The following ST18 variants were observed in gnomAD, a reference collection of about 807,000 sequenced individuals.
The protein encoded by ST18 is ST18 C2H2C-type zinc finger transcription factor.
A neutral mutation model predicts 110.0 loss-of-function variants in ST18; 50 were observed. The ratio of observed to expected loss-of-function variants is 0.45; its 90% CI spans 0.36 to 0.58. The LOEUF is 0.58. Ranked by LOEUF, ST18 falls within the 20% of genes least tolerant of loss-of-function variation. The pLI, the probability that ST18 is intolerant of heterozygous loss-of-function variation, is 0.00. For missense variants in ST18, 1,306 were observed against 1,280.1 expected, an observed-to-expected ratio of 1.02 and a Z score of -0.31; for synonymous variants, 461 against 452.4, an observed-to-expected ratio of 1.02 and a Z score of -0.24.
Position 52,120,425 on chromosome 8 carries a change from A to C in ST18, c.2756-1984T>G, listed in dbSNP as rs915861600. Among the ~76,000 whole-genome samples the C allele has an allele frequency of 9.9e-5, 15 of 152,202 alleles. No individual in the cohort carries two copies. In the East Asian group the frequency reaches 2.9e-3, roughly 29 times the overall value. On this transcript the variant is annotated intron_variant, in intron 23 of 25. Transcript: ENST00000689386. ...CCAAGGAGATGCTTGTAAAACATGA[A>C]GTGTTCTGAAGGAAGCACAAAGGGT...
chr8:52,177,692 G>A (rs1003183756), intron 9 of ST18, among the ~76,000 whole-genome samples: 2 of 152,160 alleles, frequency 1.3e-5, no homozygotes, highest in Non-Finnish European at 2.9e-5. Flanking sequence ...CAGTGTGTGA[G>A]GACAACTGAA....
At position 52,142,929 on chromosome 8, in the gene ST18, C is replaced by A; in HGVS notation, c.2168+1G>T. Reference sequence around the variant, plus strand: ...AGGGCATGGCATTGGGCACCACTTACGTGATTAGTTCCTTTTTGAGATCTC... The same window carrying A: ...AGGGCATGGCATTGGGCACCACTTAAGTGATTAGTTCCTTTTTGAGATCTC... On this transcript the variant is annotated splice_donor_variant, in intron 17 of 25. Transcript: ENST00000689386. LOFTEE classifies it high-confidence loss of function. 1.9e-6 allele frequency: 3 copies of A among 1,606,338 alleles called. No individual in the cohort carries two copies. Among genetic ancestry groups the A allele is most frequent in the Non-Finnish European group, 2.6e-6 (3 of 1,172,988 alleles).
At chr8:52,240,457 G>A (rs910783296) in intron 2 of ST18, among the ~76,000 whole-genome samples, 2 of 152,016 alleles carry the variant, frequency 1.3e-5, no homozygotes, top group African/African-American at 4.8e-5. Context: ...CTCAATCTGC[G>A]TGCTTTCCTT....
intron 11 of ST18, among the ~76,000 whole-genome samples, chr8:52,165,608 ATGGTCT>A (rs1408468996): frequency 6.6e-6 from 1 of 152,108 alleles, no homozygotes. Context: ...AGTTCTGCGT[ATGGTCT>A]TCTTTATTTT....
intron 19 of ST18, among the ~76,000 whole-genome samples, chr8:52,135,816 G>T (rs962621045): frequency 6.6e-6 from 1 of 151,958 alleles, no homozygotes; most frequent in East Asian, 1.9e-4. Context: ...AATGTTACAT[G>T]TGTTTTAGAC....
intron 2 of ST18, among the ~76,000 whole-genome samples, chr8:52,251,725 T>C (rs1442428232): frequency 6.6e-6 from 1 of 152,102 alleles, no homozygotes; most frequent in Non-Finnish European, 1.5e-5. Flanking sequence ...TCCAAATGAA[T>C]TAATGAATTA....
intron 8 of ST18, among the ~76,000 whole-genome samples, chr8:52,192,531 G>C (rs1433571927): frequency 1.3e-5 from 2 of 152,206 alleles, no homozygotes; most frequent in Non-Finnish European, 2.9e-5. Context: ...GATGGAGCAG[G>C]AAAATGGCCT....
At chr8:52,134,725 A>C (rs374418936) in intron 19 of ST18, among the ~76,000 whole-genome samples, 138 of 152,288 alleles carry the variant, frequency 9.1e-4, no homozygotes, top group African/African-American at 3.2e-3. Context: ...ATCTTCCATT[A>C]TAAGAAAGTT....
At chr8:52,282,313 G>A (rs1208757306) in intron 2 of ST18, among the ~76,000 whole-genome samples, 2 of 152,176 alleles carry the variant, frequency 1.3e-5, no homozygotes, top group Non-Finnish European at 2.9e-5. Context: ...ATCTAATAAT[G>A]TACCAAAAAG....
chr8:52,330,935 G>A (rs1809010253), intron 2 of ST18, among the ~76,000 whole-genome samples: 1 of 152,212 alleles, frequency 6.6e-6, no homozygotes, highest in Non-Finnish European at 1.5e-5. Context: ...CAGAGACAGA[G>A]AGATGGAGAG....
In ST18 at chr8:52,112,158, C is replaced by T. The variant is rs2040735584; in HGVS notation, c.*1040G>A. On this transcript the variant is annotated 3_prime_UTR_variant, in exon 26 of 26. Coordinates refer to ENST00000689386, the MANE Select transcript of ST18 (RefSeq NM_001352837.2). ...TTTTTTCATGTGTTACTATATTTTC[C>T]ATTCCTTTCCAGTCAACCCAGTAAG... 1.3e-5 allele frequency: 2 copies of T among 152,644 alleles called. No homozygotes were observed. Among genetic ancestry groups the T allele is most frequent in the Middle Eastern group, 3.4e-3 (1 of 294 alleles). The allele number at this position is 152,644 out of a possible 1,614,324, so 9.5% of individuals were successfully genotyped here.
intron 2 of ST18, among the ~76,000 whole-genome samples, chr8:52,283,223 C>T (rs1167927893): frequency 6.6e-6 from 1 of 152,114 alleles, no homozygotes; most frequent in Non-Finnish European, 1.5e-5. Flanking sequence ...TAGGAGAGAC[C>T]CCAGCTGAGG....
intron 2 of ST18, among the ~76,000 whole-genome samples, chr8:52,358,100 C>CA (rs974449792): frequency 1.3e-5 from 2 of 151,574 alleles, no homozygotes; most frequent in African/African-American, 4.8e-5. Flanking sequence ...ACTTTTTAAC[C>CA]AATCAGTGGG....
intron 2 of ST18, among the ~76,000 whole-genome samples, chr8:52,297,924 G>C (rs2095659205): frequency 6.6e-6 from 1 of 152,226 alleles, no homozygotes; most frequent in South Asian, 2.1e-4. Flanking sequence ...ACCTGAAATT[G>C]ATTGACAAAA....
At chr8:52,226,941 T>C (rs562910200) in intron 3 of ST18, among the ~76,000 whole-genome samples, 97 of 152,362 alleles carry the variant, frequency 6.4e-4, no homozygotes, top group Non-Finnish European at 1.2e-3. Context: ...TCAAAAAGTC[T>C]GCTATTTTTC....
At chr8:52,139,765 A>G (rs1421544568) in intron 17 of ST18, among the ~76,000 whole-genome samples, 3 of 151,206 alleles carry the variant, frequency 2.0e-5, no homozygotes, top group Non-Finnish European at 3.0e-5. Flanking sequence ...ATAATGAAAT[A>G]TGCATTCAAT....
chr8:52,261,659 A>G (rs1196538477), intron 2 of ST18, among the ~76,000 whole-genome samples: 2 of 152,268 alleles, frequency 1.3e-5, no homozygotes, highest in East Asian at 1.9e-4. Context: ...TGAGGTTCAA[A>G]CAAATCTTTA....
At chr8:52,361,677 A>G (rs1055171100) in intron 2 of ST18, among the ~76,000 whole-genome samples, 2 of 152,172 alleles carry the variant, frequency 1.3e-5, no homozygotes, top group African/African-American at 4.8e-5. Context: ...AATCTTTTGC[A>G]TCACAGCTAA....
At chr8:52,288,477 A>G (rs1428117545) in intron 2 of ST18, among the ~76,000 whole-genome samples, 1 of 152,126 alleles carries the variant, frequency 6.6e-6, no homozygotes, top group Admixed American at 6.5e-5. Context: ...AGGCCGGTGG[A>G]TCACCTGAGG....
Sources: gnomAD v4.1 joint callset for allele counts (sites outside exome capture counted in the v4.1 genomes callset) on GRCh38, gnomAD v4.1.1 for gene constraint, MANE v1.5 for transcripts, NCBI Gene and HGNC (gene_info 2026-07-23, HGNC 2026-07-21) for gene names.